The following ACBD6 variants were observed in gnomAD, a reference collection of about 807,000 sequenced individuals.
ACBD6 encodes the protein acyl-CoA binding domain containing 6, also known as acyl-CoA-binding domain-containing protein 6.
Under a neutral mutation model 37.2 loss-of-function variants are expected in ACBD6, and 28 were observed. The ratio of observed to expected loss-of-function variants is 0.75; its 90% CI spans 0.56 to 1.03. The LOEUF (loss-of-function observed/expected upper bound fraction) is 1.03. Ranked by LOEUF, ACBD6 falls within the 50% of genes least tolerant of loss-of-function variation. The pLI, the probability that ACBD6 is intolerant of heterozygous loss-of-function variation, is 0.00. For synonymous variants in ACBD6, 113 were observed against 126.8 expected (o/e 0.89, Z 0.73); for missense variants, 340 against 337.4 (o/e 1.01, Z -0.06).
chr1:180,432,540 A>G (rs1339951371), intron 3 of ACBD6, among the ~76,000 whole-genome samples: 1 of 152,164 alleles, frequency 6.6e-6, no homozygotes, highest in African/African-American at 2.4e-5. Flanking sequence ...GCAAATGAAA[A>G]CAAAAATGAG....
At chr1:180,328,128 C>G (rs1220863835) in intron 6 of ACBD6, among the ~76,000 whole-genome samples, 1 of 152,074 alleles carries the variant, frequency 6.6e-6, no homozygotes, top group African/African-American at 2.4e-5. Context: ...ACTGCTGTTT[C>G]TTCTGCATAA....
At position 180,288,993 on chromosome 1, in the gene ACBD6, T is replaced by A. The variant is rs181513025; in HGVS notation, c.695-476A>T. Among the ~76,000 whole-genome samples, 810 of 147,434 alleles carry A rather than the reference T, an allele frequency of 5.5e-3. 8 individuals carry two copies. Among genetic ancestry groups the A allele is most frequent in the African/African-American group, 0.019 (755 of 39,742 alleles). ...TGAACTTTACAATTTGTAAATTTTT[T>A]AAAAAAAAGCTGGCCCAGTAATCAG... On this transcript the variant is annotated intron_variant, in intron 7 of 7. Transcript: ENST00000367595.
rs576987961 is a variant in ACBD6, at chr1:180,427,111, C to T, written c.467+3069G>A. On this transcript the variant is annotated intron_variant, in intron 4 of 7. Coordinates refer to ENST00000367595, the MANE Select transcript of ACBD6 (RefSeq NM_032360.4). ...CAAGCTCAGAATTGGCCCCACTGGC[C>T]CTTGGCTCAAACTCATAACTCATCA... 3.9e-5 allele frequency among the ~76,000 whole-genome samples: 6 copies of T among 152,218 alleles called. No individual in the cohort carries two copies. In the East Asian group the frequency reaches 5.8e-4, roughly 15 times the overall value.
rs551378376 is a variant in ACBD6 at position 180,291,127 on chromosome 1, G to A, written c.695-2610C>T. Among the ~76,000 whole-genome samples the A allele has an allele frequency of 7.9e-5, 12 of 152,310 alleles. No individual in the cohort carries two copies. In the South Asian group the frequency reaches 2.5e-3, roughly 32 times the overall value. On this transcript the variant is annotated intron_variant, in intron 7 of 7. Transcript: ENST00000367595. ...CTGAGTAGTATTCTACTGTATGCAT[G>A]TATGCAGTCATCTGGGCTGCTTCCA...
chr1:180,424,661 T>C (rs1265901484), intron 4 of ACBD6, among the ~76,000 whole-genome samples: 1 of 151,920 alleles, frequency 6.6e-6, no homozygotes, highest in Non-Finnish European at 1.5e-5. Context: ...AAACAAGCAT[T>C]TCATAGGTAC....
At chr1:180,397,641 A>T (rs28551686) in intron 5 of ACBD6, 36 bp from the exon 6 acceptor site, 1 of 1,488,660 alleles carries the variant, frequency 6.7e-7, no homozygotes, top group Admixed American at 1.7e-5. Flanking sequence ...TTGTTATCTC[A>T]GTTGTGGAGC....
chr1:180,364,462 G>A (rs1652965660), intron 6 of ACBD6, among the ~76,000 whole-genome samples: 1 of 152,194 alleles, frequency 6.6e-6, no homozygotes, highest in Admixed American at 6.5e-5. Flanking sequence ...ATAACAGAAC[G>A]GTTGACACCT....
chr1:180,484,770 C>A (rs896849642), intron 3 of ACBD6, among the ~76,000 whole-genome samples: 1 of 151,934 alleles, frequency 6.6e-6, no homozygotes, highest in African/African-American at 2.4e-5. Flanking sequence ...CATGTATATA[C>A]AAAATGTGTG....
At chr1:180,443,845 G>A (rs959823357) in intron 3 of ACBD6, among the ~76,000 whole-genome samples, 7 of 149,064 alleles carry the variant, frequency 4.7e-5, no homozygotes, top group African/African-American at 7.5e-5. Context: ...GGATGGTCTC[G>A]ATCTCCTGAC....
chr1:180,300,390 CATT>C (rs199646415), intron 7 of ACBD6, among the ~76,000 whole-genome samples: 9 of 151,742 alleles, frequency 5.9e-5, no homozygotes, highest in African/African-American at 1.7e-4. Flanking sequence ...CTTAATAAAT[CATT>C]ATTATTATTA....
chr1:180,389,999 T>G (rs1193917689), intron 6 of ACBD6, among the ~76,000 whole-genome samples: 3 of 151,898 alleles, frequency 2.0e-5, no homozygotes, highest in East Asian at 3.9e-4. Context: ...AGAAGCTCTT[T>G]AGTTTAATTA....
At chr1:180,425,001 T>G (rs1389432538) in intron 4 of ACBD6, among the ~76,000 whole-genome samples, 1 of 152,204 alleles carries the variant, frequency 6.6e-6, no homozygotes, top group Non-Finnish European at 1.5e-5. Flanking sequence ...ACATAATCTA[T>G]AATTATCTCT....
At chr1:180,364,932 G>A (rs1460303543) in intron 6 of ACBD6, among the ~76,000 whole-genome samples, 3 of 152,060 alleles carry the variant, frequency 2.0e-5, no homozygotes, top group South Asian at 2.1e-4. Flanking sequence ...ACAGGGTTTC[G>A]CCGTGTTAGC....
chr1:180,355,844 T>G (rs1184152230), intron 6 of ACBD6, among the ~76,000 whole-genome samples: 2 of 151,724 alleles, frequency 1.3e-5, no homozygotes, highest in Admixed American at 1.3e-4. Flanking sequence ...TTTCCCTAGC[T>G]TTGAACAGAA....
intron 5 of ACBD6, among the ~76,000 whole-genome samples, chr1:180,406,251 T>G (rs78602889): frequency 1.3e-5 from 2 of 151,828 alleles, no homozygotes; most frequent in Non-Finnish European, 2.9e-5. Flanking sequence ...AATTTTAGAT[T>G]AAAAAAAATA....
intron 3 of ACBD6, among the ~76,000 whole-genome samples, chr1:180,437,758 A>T (rs951264698): frequency 1.3e-5 from 2 of 152,244 alleles, no homozygotes; most frequent in African/African-American, 4.8e-5. Context: ...GAAGAAAAAA[A>T]ACAGGTCCAG....
At chr1:180,361,671 T>C (rs1652859970) in intron 6 of ACBD6, among the ~76,000 whole-genome samples, 1 of 152,152 alleles carries the variant, frequency 6.6e-6, no homozygotes, top group Non-Finnish European at 1.5e-5. Context: ...AAACAGATAC[T>C]GTATTCCCAA....
chr1:180,406,218 T>C (rs887331971), intron 5 of ACBD6, among the ~76,000 whole-genome samples: 2 of 152,122 alleles, frequency 1.3e-5, no homozygotes, highest in Non-Finnish European at 2.9e-5. Flanking sequence ...TTATCCCAAA[T>C]GCTGGGGACC....
At chr1:180,369,704 T>A (rs905736762) in intron 6 of ACBD6, among the ~76,000 whole-genome samples, 4 of 152,146 alleles carry the variant, frequency 2.6e-5, no homozygotes, top group Non-Finnish European at 5.9e-5. Flanking sequence ...TTGCAGAGAT[T>A]TCTGAGCAGT....
Sources: gnomAD v4.1 joint callset for allele counts (sites outside exome capture counted in the v4.1 genomes callset) on GRCh38, gnomAD v4.1.1 for gene constraint, MANE v1.5 for transcripts, NCBI Gene and HGNC (gene_info 2026-07-23, HGNC 2026-07-21) for gene names.